The following TXLNB variants were observed in gnomAD, a reference collection of about 807,000 sequenced individuals.
TXLNB encodes beta-taxilin.
A neutral mutation model predicts 57.4 loss-of-function variants in TXLNB; 37 were observed. The ratio of observed to expected loss-of-function variants is 0.64; its 90% CI spans 0.50 to 0.85. TXLNB has a LOEUF of 0.85. Among genes scored for constraint, TXLNB ranks in the 40% least tolerant of loss-of-function variants. The pLI is 0.00. For missense variants in TXLNB, 848 were observed against 825.6 expected, an observed-to-expected ratio of 1.03 and a Z score of -0.33; for synonymous variants, 302 against 309.6, an observed-to-expected ratio of 0.98 and a Z score of 0.26.
At chr6:139,281,153 T>C (rs1417172823) in intron 2 of TXLNB, among the ~76,000 whole-genome samples, 3 of 152,328 alleles carry the variant, frequency 2.0e-5, no homozygotes, top group South Asian at 2.1e-4. Context: ...GTTGACTAAA[T>C]GGATTCTGAG....
At chr6:139,318,269 C>CAAA in the TXLNB span, among the ~76,000 whole-genome samples, 22 of 56,614 alleles carry the variant, frequency 3.9e-4, no homozygotes, top group African/African-American at 6.2e-4. Context: ...GACTCTGTCT[C>CAAA]AAAAAAAAAA....
intron 7 of TXLNB, among the ~76,000 whole-genome samples, chr6:139,249,900 C>T (rs951654204): frequency 6.6e-6 from 1 of 152,084 alleles, no homozygotes; most frequent in Non-Finnish European, 1.5e-5. Context: ...AGTAAAGGGG[C>T]ATCAAGGAAT....
chr6:139,278,998 A>G (rs74996327), intron 2 of TXLNB, among the ~76,000 whole-genome samples: 1 of 152,176 alleles, frequency 6.6e-6, no homozygotes, highest in Non-Finnish European at 1.5e-5. Context: ...ACGAACAAAT[A>G]AAAAAATCAA....
At chr6:139,167,397 A>G in the TXLNB span, 7 of 1,251,736 alleles carry the variant, frequency 5.6e-6, no homozygotes, top group Admixed American at 2.3e-5. Flanking sequence ...AGATTGCTCT[A>G]TTTTGGTGTA....
chr6:139,249,422 G>A (rs1776140861), intron 7 of TXLNB, among the ~76,000 whole-genome samples: 1 of 152,174 alleles, frequency 6.6e-6, no homozygotes. Flanking sequence ...ATACAACATA[G>A]TTTTTTGTAT....
the TXLNB span, among the ~76,000 whole-genome samples, chr6:139,213,590 A>C: frequency 6.6e-6 from 1 of 152,204 alleles, no homozygotes. Flanking sequence ...GAGCAAACAC[A>C]TTCAAAAGCT....
intron 7 of TXLNB, chr6:139,251,504 C>T (rs1342265878): frequency 6.6e-6 from 1 of 152,216 alleles, no homozygotes; most frequent in Non-Finnish European, 1.5e-5. Context: ...GTAGCGTCTT[C>T]CCTCTCACTA....
Position 139,255,631 on chromosome 6 carries a change from T to G in TXLNB, c.1010A>C (p.Asn337Thr), listed in dbSNP as rs767553918. 6.2e-7 allele frequency: 1 copy of G among 1,613,528 alleles called. No homozygotes were observed. Among genetic ancestry groups the G allele is most frequent in the Admixed American group, 1.7e-5 (1 of 60,000 alleles). The change falls in exon 7 of 10, where the codon AAC becomes ACC. Residue 337 changes from asparagine (N) to threonine (T), a missense_variant. Transcript: ENST00000358430. ...RHKREKEYLL[N>T]QAAEWKLQAK... ...CTGAAGTTTCCACTCTGCTGCCTGG[T>G]TCAGCAACTATGAGAAGAGAGAGTG... is the stretch of plus-strand genomic sequence containing the variant.
At chr6:139,295,402 C>G (rs1274432327), upstream of TXLNB, among the ~76,000 whole-genome samples, 1 of 152,160 alleles carries the variant, frequency 6.6e-6, no homozygotes, top group Non-Finnish European at 1.5e-5. Flanking sequence ...AAAGAATACA[C>G]TTATTTTTTG....
In TXLNB at chr6:139,260,448, T is replaced by C. The variant is rs371549037; in HGVS notation, c.883-11A>G. ...TATTTTGTCCAGATGCTAAGAAAAATAAAGTGTACATAGAAAGCTTGGTTT... is the reference window on the plus strand; with the variant it reads ...TATTTTGTCCAGATGCTAAGAAAAACAAAGTGTACATAGAAAGCTTGGTTT... On this transcript the variant is annotated splice_polypyrimidine_tract_variant and intron_variant, in intron 5 of 9. Coordinates refer to ENST00000358430, the MANE Select transcript of TXLNB (RefSeq NM_153235.4). The C allele has an allele frequency of 2.2e-5, 35 of 1,612,594 alleles. No homozygotes were observed. In the African/African-American group the frequency reaches 4.4e-4, roughly 20 times the overall value.
chr6:139,286,337 C>T (rs1273029558), intron 2 of TXLNB, among the ~76,000 whole-genome samples: 2 of 150,296 alleles, frequency 1.3e-5, no homozygotes, highest in Admixed American at 6.6e-5. Context: ...GCTTATTCCT[C>T]TTTCCCTTGA....
At chr6:139,191,116 T>A in the TXLNB span, among the ~76,000 whole-genome samples, 108 of 146,324 alleles carry the variant, frequency 7.4e-4, no homozygotes, top group African/African-American at 1.9e-3. Flanking sequence ...TTTTTTTTTT[T>A]AATTAAAAAT....
the TXLNB span, among the ~76,000 whole-genome samples, chr6:139,190,751 GC>G: frequency 6.6e-6 from 1 of 152,006 alleles, no homozygotes; most frequent in African/African-American, 2.4e-5. Context: ...CTCCCAAAAG[GC>G]CCCACCCCTT....
At chr6:139,308,770 T>C in the TXLNB span, among the ~76,000 whole-genome samples, 8 of 152,240 alleles carry the variant, frequency 5.3e-5, no homozygotes, top group African/African-American at 1.9e-4. Context: ...AATTTCCCAC[T>C]AGGTAATGAG....
At chr6:139,255,321 T>C (rs1582999325) in intron 7 of TXLNB, 13 of 536,124 alleles carry the variant, frequency 2.4e-5, no homozygotes, top group Admixed American at 2.4e-4. Context: ...TGTCATCCAT[T>C]GTCTGTCAAC....
the TXLNB span, among the ~76,000 whole-genome samples, chr6:139,190,204 T>C: frequency 1.1e-4 from 17 of 152,038 alleles, no homozygotes; most frequent in Non-Finnish European, 2.5e-4. Flanking sequence ...GCGTAACTTA[T>C]AAACAACAGA....
the TXLNB span, among the ~76,000 whole-genome samples, chr6:139,321,555 T>G: frequency 6.6e-6 from 1 of 151,560 alleles, no homozygotes; most frequent in East Asian, 1.9e-4. Context: ...TTTTTTTTTT[T>G]TTTTAATCTA....
chr6:139,212,294 A>T, the TXLNB span, among the ~76,000 whole-genome samples: 1 of 152,300 alleles, frequency 6.6e-6, no homozygotes, highest in East Asian at 1.9e-4. Context: ...CAGAAACTCT[A>T]CAAGCCAGAA....
the TXLNB span, among the ~76,000 whole-genome samples, chr6:139,319,008 T>C: frequency 4.8e-5 from 7 of 147,138 alleles, no homozygotes; most frequent in South Asian, 1.6e-3. Flanking sequence ...AATGGCGCGA[T>C]CTCAGCTCAC....
Sources: allele counts gnomAD v4.1 joint callset (sites outside exome capture counted in the v4.1 genomes callset), GRCh38; gene constraint gnomAD v4.1.1; transcripts MANE v1.5; gene names NCBI Gene and HGNC (gene_info 2026-07-23, HGNC 2026-07-21).